Variants in SLC66A1 observed in about 807,000 individuals in gnomAD.
SLC66A1 encodes lysosomal amino acid transporter 1 homolog.
SLC66A1 carries 23 observed loss-of-function variants against 33.0 expected under a neutral mutation model. The ratio of observed to expected loss-of-function variants is 0.70; its 90% CI spans 0.50 to 0.99. The LOEUF is 0.99. Ranked by LOEUF, SLC66A1 falls within the 50% of genes least tolerant of loss-of-function variation. The probability of loss-of-function intolerance (pLI) is 0.00; values close to 1 mark genes in which losing one functional copy is unlikely to be tolerated. For synonymous variants in SLC66A1, 164 were observed against 175.5 expected (o/e 0.93, Z 0.52); for missense variants, 335 against 383.6 (o/e 0.87, Z 1.06).
At chr1:19,316,473 A>C (rs1008350335) in intron 1 of SLC66A1, among the ~76,000 whole-genome samples, 2 of 150,786 alleles carry the variant, frequency 1.3e-5, no homozygotes, top group Non-Finnish European at 3.0e-5. Context: ...TGCAACCTCC[A>C]CTTCCTGGGC....
At position 19,325,556 on chromosome 1, in the gene SLC66A1, A is replaced by G. The variant is rs866620578; in HGVS notation, c.356A>G (p.Tyr119Cys). 7.5e-6 allele frequency: 12 copies of G among 1,607,120 alleles called. No homozygotes were observed. In the Middle Eastern group the frequency reaches 2.1e-3, roughly 275 times the overall value. Residue 119 changes from tyrosine to cysteine, a missense_variant, in exon 4 of 8, where the codon TAC becomes TGC. By Grantham distance (194) the Tyr-to-Cys change is radical. Coordinates refer to ENST00000375153, the MANE Select transcript of SLC66A1 (RefSeq NM_001040125.2). The stretch of plus-strand genomic sequence containing the variant: ...GTGATGCTGACGCTGTACTTTTACT[A>G]CAAGTTCAGGACGCGCCCCTCTCTG... ...DLVMLTLYFY[Y>C]KFRTRPSLLS...
chr1:19,314,848 A>T (rs948364104), intron 1 of SLC66A1, among the ~76,000 whole-genome samples: 14 of 151,692 alleles, frequency 9.2e-5, no homozygotes, highest in Non-Finnish European at 2.1e-4. Flanking sequence ...CTTGATTTGA[A>T]ATGCCTTTGG....
At chr1:19,324,566 C>T (rs1203744467) in intron 2 of SLC66A1, 67 bp from the exon 3 acceptor site, 1 of 1,590,074 alleles carries the variant, frequency 6.3e-7, no homozygotes, top group Admixed American at 1.7e-5. Context: ...TGGGCGGTGT[C>T]CCCTATAAGG....
chr1:19,316,283 C>T (rs974943221), intron 1 of SLC66A1, among the ~76,000 whole-genome samples: 1 of 152,132 alleles, frequency 6.6e-6, no homozygotes, highest in Non-Finnish European at 1.5e-5. Context: ...CCTTGTCATT[C>T]ATGCAACCCC....
rs147505129 is a variant in SLC66A1 at position 19,313,403 on chromosome 1, T to C, written c.-79+514T>C. Among the ~76,000 whole-genome samples, 1,474 of 152,312 alleles carry C rather than the reference T, an allele frequency of 9.7e-3. 36 individuals carry two copies. Among genetic ancestry groups the C allele is most frequent in the African/African-American group, 0.033 (1,377 of 41,560 alleles). On this transcript the variant is annotated intron_variant, in intron 1 of 7. Transcript: ENST00000375153. ...TCTCTCACTGTCTCTCAACATTTGC[T>C]GAACCTCTAGGTGTGTTTACACCTG...
chr1:19,313,838 A>G (rs570765281), intron 1 of SLC66A1, among the ~76,000 whole-genome samples: 74 of 152,234 alleles, frequency 4.9e-4, no homozygotes, highest in African/African-American at 1.7e-3. Context: ...AAGCACCCTG[A>G]CTCAGCTTGG....
chr1:19,318,523 C>T (rs1041701214), intron 2 of SLC66A1, among the ~76,000 whole-genome samples: 12 of 152,142 alleles, frequency 7.9e-5, no homozygotes, highest in African/African-American at 2.9e-4. Flanking sequence ...GAGCTGCCCA[C>T]TCAGGGCCTT....
At chr1:19,321,012 C>T (rs1366041623) in intron 2 of SLC66A1, among the ~76,000 whole-genome samples, 1 of 149,798 alleles carries the variant, frequency 6.7e-6, no homozygotes. Context: ...CCTGCTCGGC[C>T]GTCTTTTCAC....
At position 19,328,541 on chromosome 1, in the gene SLC66A1, C is replaced by T. The variant is rs777156456; in HGVS notation, c.805-31C>T. On this transcript the variant is annotated intron_variant, in intron 7 of 7. Coordinates refer to ENST00000375153, the MANE Select transcript of SLC66A1 (RefSeq NM_001040125.2). The surrounding 1 kb of genome is among the most constrained non-coding windows in gnomAD (Gnocchi z 4.7). The stretch of plus-strand genomic sequence containing the variant: ...AGGGGCAGGTCCAACCCAGTCTCTG[C>T]TCAGCTTGGCCTTAACGGCGGCACC... The T allele has an allele frequency of 6.2e-7, 1 of 1,602,962 alleles. No individual in the cohort carries two copies. The highest frequency in any genetic ancestry group is 1.7e-5 in the Admixed American group (1 of 59,170).
At chr1:19,332,671 C>T (rs1254203886), downstream of SLC66A1, among the ~76,000 whole-genome samples, 1 of 152,192 alleles carries the variant, frequency 6.6e-6, no homozygotes, top group Admixed American at 6.6e-5. Flanking sequence ...CTGATGGGGC[C>T]GTGTTTGCTG....
intron 2 of SLC66A1, among the ~76,000 whole-genome samples, chr1:19,320,055 C>T (rs1486000281): frequency 6.6e-6 from 1 of 151,312 alleles, no homozygotes; most frequent in Admixed American, 6.6e-5. Context: ...CGCCACCATG[C>T]CTGGCTAATT....
chr1:19,331,031 A>C (rs2093890931), downstream of SLC66A1, among the ~76,000 whole-genome samples: 1 of 151,422 alleles, frequency 6.6e-6, no homozygotes, highest in East Asian at 1.9e-4. Context: ...TTTTTTTTTG[A>C]CACAGAGTCT....
chr1:19,316,257 C>T (rs188919661), intron 1 of SLC66A1, among the ~76,000 whole-genome samples: 18 of 152,250 alleles, frequency 1.2e-4, no homozygotes, highest in Non-Finnish European at 2.2e-4. Context: ...CAGGCTGCAT[C>T]GTCCCAAACT....
At chr1:19,332,606 C>T (rs1034024436), downstream of SLC66A1, among the ~76,000 whole-genome samples, 1 of 152,164 alleles carries the variant, frequency 6.6e-6, no homozygotes, top group Non-Finnish European at 1.5e-5. Flanking sequence ...CCCATCTCTA[C>T]AAAAATTTAA....
At position 19,312,800 on chromosome 1, in the gene SLC66A1, GC is replaced by G. The variant is rs2093784085; in HGVS notation, c.-164del. 6.5e-6 allele frequency: 1 copy of G among 153,134 alleles called. No homozygotes were observed. The highest frequency in any genetic ancestry group is 1.9e-4 in the East Asian group (1 of 5,186). 9.5% of individuals were successfully genotyped at this position (153,134 alleles called of 1,614,324 possible). A position where few individuals can be genotyped will look rare whatever the true frequency, so the allele number is the denominator to read the frequency against. On this transcript the variant is annotated 5_prime_UTR_variant, in exon 1 of 8. Coordinates refer to ENST00000375153, the MANE Select transcript of SLC66A1 (RefSeq NM_001040125.2). ...ACGCCGAGGCCTGGAGTGGGTGGTA[GC>G]CCCGAGCTGGGACGCTCCTCCCTCC...
downstream of SLC66A1, among the ~76,000 whole-genome samples, chr1:19,330,564 G>A (rs2093889609): frequency 6.6e-6 from 1 of 152,226 alleles, no homozygotes; most frequent in African/African-American, 2.4e-5. Context: ...GGGTCAATCA[G>A]GGAGGACTTC....
At chr1:19,324,800 C>T (rs761343892) in intron 3 of SLC66A1, 38 bp downstream of exon 3, 25 of 1,607,202 alleles carry the variant, frequency 1.6e-5, no homozygotes, top group Non-Finnish European at 2.0e-5. Context: ...CTACCCCTAA[C>T]CCTGCTTCAC....
downstream of SLC66A1, among the ~76,000 whole-genome samples, chr1:19,331,365 T>C (rs1297988598): frequency 3.3e-5 from 5 of 152,096 alleles, no homozygotes; most frequent in Non-Finnish European, 4.4e-5. Context: ...CTCAGCACAA[T>C]TGAGCAGCTT....
At chr1:19,319,816 T>C (rs1300639951) in intron 2 of SLC66A1, among the ~76,000 whole-genome samples, 1 of 149,588 alleles carries the variant, frequency 6.7e-6, no homozygotes, top group Admixed American at 6.6e-5. Flanking sequence ...GGCAGGGGAA[T>C]TGCTTGAGCC....
Sources: allele counts gnomAD v4.1 joint callset (sites outside exome capture counted in the v4.1 genomes callset), GRCh38; gene constraint gnomAD v4.1.1; non-coding constraint Gnocchi (gnomAD v3.1); transcripts MANE v1.5; gene names NCBI Gene and HGNC (gene_info 2026-07-23, HGNC 2026-07-21).